ZNF761: variants seen among roughly 807,000 people sequenced by gnomAD.
ZNF761 encodes zinc finger protein 761.
A neutral mutation model predicts 59.9 loss-of-function variants in ZNF761; 43 were observed. The ratio of observed to expected loss-of-function variants is 0.72; its 90% CI spans 0.56 to 0.92. ZNF761 has a LOEUF of 0.92. Among genes scored for constraint, ZNF761 ranks in the 40% least tolerant of loss-of-function variants. The pLI is 0.00. For missense variants in ZNF761, 850 were observed against 906.1 expected (o/e 0.94, Z 0.79); for synonymous variants, 294 against 304.8 (o/e 0.96, Z 0.37).
rs2086270796 is a variant in ZNF761, at chr19:53,456,340, T to C, written c.1833T>C (p.Cys611=). Residue 611 remains cysteine, a synonymous_variant, in exon 5 of 5, where the codon TGT becomes TGC. Coordinates refer to ENST00000684525, the MANE Select transcript of ZNF761 (RefSeq NM_001289951.2). The part of the protein sequence containing the change: ...TEENPYKCNE[C]GKTFSRTSSL... ...AGAATCCTTACAAGTGTAATGAGTG[T>C]GGCAAGACCTTCAGTCGGACGTCAT... 6.2e-7 allele frequency: 1 copy of C among 1,611,246 alleles called. No individual in the cohort carries two copies. The highest frequency in any genetic ancestry group is 8.5e-7 in the Non-Finnish European group (1 of 1,177,958).
At chr19:53,447,956 A>C (rs1213403658) in intron 3 of ZNF761, among the ~76,000 whole-genome samples, 1 of 152,176 alleles carries the variant, frequency 6.6e-6, no homozygotes, top group Non-Finnish European at 1.5e-5. Context: ...CTTGTGAAAC[A>C]GGTGTTTTCA....
rs1382441766 is a variant in ZNF761 at position 53,457,851 on chromosome 19, G to A, written c.*1103G>A. 1 of 153,508 alleles carries A rather than the reference G, an allele frequency of 6.5e-6. No individual in the cohort carries two copies. The highest frequency in any genetic ancestry group is 1.5e-5 in the Non-Finnish European group (1 of 68,416). 9.5% of individuals were successfully genotyped at this position (153,508 alleles called of 1,614,324 possible). A position where few individuals can be genotyped will look rare whatever the true frequency, so the allele number is the denominator to read the frequency against. ...TGTTTTTTGTTTCTTTAAAAAAACT[G>A]ATAGGGATTTTTATGGATATCATGT... On this transcript the variant is annotated 3_prime_UTR_variant, in exon 5 of 5. Transcript: ENST00000684525.
chr19:53,454,027 AC>A (rs768653153), intron 4 of ZNF761, among the ~76,000 whole-genome samples: 1 of 151,806 alleles, frequency 6.6e-6, no homozygotes, highest in Admixed American at 6.6e-5. Flanking sequence ...AGGCTGAAGT[AC>A]AGTGGTGAAA....
At chr19:53,446,675 G>T (rs1270857262) in intron 2 of ZNF761, among the ~76,000 whole-genome samples, 1 of 150,524 alleles carries the variant, frequency 6.6e-6, no homozygotes, top group African/African-American at 2.4e-5. Flanking sequence ...GCCTGGCTCA[G>T]TTTTTTTATT....
rs2708743 is a variant in ZNF761 at position 53,454,872 on chromosome 19, T to G, written c.365T>G (p.Ile122Ser). 0.69 allele frequency: 1,106,493 copies of G among 1,613,926 alleles called. 380,967 individuals carry two copies. Among genetic ancestry groups the G allele is most frequent in the Admixed American group, 0.78 (46,903 of 59,998 alleles). ...ACAAAAATCAAAAAGTTGACAGGTA[T>G]TACAGAACGATATGATCAAAGTCAT... The part of the protein sequence containing the change: ...PMTKIKKLTG[I>S]TERYDQSHAR... Residue 122 changes from isoleucine (I) to serine (S), a missense_variant, in exon 5 of 5, where the codon ATT (isoleucine) becomes AGT (serine). By Grantham distance (142) the Ile-to-Ser change is moderately radical. Transcript: ENST00000684525.
intron 4 of ZNF761, among the ~76,000 whole-genome samples, chr19:53,450,687 C>A (rs923434171): frequency 2.6e-5 from 4 of 152,086 alleles, no homozygotes; most frequent in Non-Finnish European, 1.5e-5. Flanking sequence ...TCACCGCAGC[C>A]AGCTCCGCCT....
intron 3 of ZNF761, among the ~76,000 whole-genome samples, chr19:53,449,240 A>G (rs751338446): frequency 2.0e-5 from 3 of 152,056 alleles, no homozygotes; most frequent in Non-Finnish European, 2.9e-5. Context: ...TAAGGCAGGA[A>G]AATCGCTTGA....
At chr19:53,450,739 G>C (rs2086214629) in intron 4 of ZNF761, among the ~76,000 whole-genome samples, 1 of 152,128 alleles carries the variant, frequency 6.6e-6, no homozygotes, top group East Asian at 1.9e-4. Context: ...GCTCACGCCT[G>C]TAATCCCAGC....
intron 1 of ZNF761, chr19:53,442,435 T>C (rs2086110678): frequency 3.5e-6 from 3 of 848,184 alleles, no homozygotes; most frequent in Non-Finnish European, 6.0e-6. Flanking sequence ...ATGAAGATTC[T>C]TACTGATAAT....
intron 1 of ZNF761, among the ~76,000 whole-genome samples, chr19:53,432,328 C>T (rs1299982886): frequency 6.6e-6 from 1 of 152,202 alleles, no homozygotes; most frequent in Non-Finnish European, 1.5e-5. Flanking sequence ...AAGTCCTCAC[C>T]TGAGAGGTGG....
At position 53,456,672 on chromosome 19, in the gene ZNF761, A is replaced by T. The variant is rs1480867352; in HGVS notation, c.2165A>T (p.Glu722Val). The T allele has an allele frequency of 6.2e-6, 10 of 1,613,818 alleles. No homozygotes were observed. Among genetic ancestry groups the T allele is most frequent in the Non-Finnish European group, 8.5e-6 (10 of 1,179,936 alleles). ...HTGEKPYKCN[E>V]CGKTFSQKSN... ...GGAGAGAAACCTTACAAGTGTAATG[A>T]GTGTGGCAAGACCTTTAGTCAGAAG... is the stretch of plus-strand genomic sequence containing the variant. The change falls in exon 5 of 5, where the codon GAG becomes GTG. Residue 722 changes from glutamate (E) to valine (V), a missense_variant. By Grantham distance (121) the Glu-to-Val change is moderately radical. Coordinates refer to ENST00000684525, the MANE Select transcript of ZNF761 (RefSeq NM_001289951.2).
chr19:53,437,527 G>C (rs1050698027), intron 1 of ZNF761, among the ~76,000 whole-genome samples: 9 of 152,058 alleles, frequency 5.9e-5, no homozygotes, highest in Non-Finnish European at 1.2e-4. Context: ...AACTTGGGTC[G>C]TCTTGGAGAG....
rs35551715 is a variant in ZNF761 at position 53,448,775 on chromosome 19, ATT to A, written c.16-719_16-718del. On this transcript the variant is annotated intron_variant, in intron 3 of 4. Coordinates refer to ENST00000684525, the MANE Select transcript of ZNF761 (RefSeq NM_001289951.2). ...AGGTGCCTGCCACCATGGCTAGCTAATTTTTTTTTTTTTTTTTTTGAGATATA... is the reference window on the plus strand; with the variant it reads ...AGGTGCCTGCCACCATGGCTAGCTAATTTTTTTTTTTTTTTTTGAGATATA... Among the ~76,000 whole-genome samples the A allele has an allele frequency of 3.0e-3, 379 of 125,062 alleles. 1 individual carries two copies. The highest frequency in any genetic ancestry group is 4.1e-3 in the Middle Eastern group (1 of 244). The allele number at this position is 125,062 out of a possible 152,430, so 82.0% of individuals were successfully genotyped here. A position where few individuals can be genotyped will look rare whatever the true frequency, so the allele number is the denominator to read the frequency against.
intron 4 of ZNF761, among the ~76,000 whole-genome samples, chr19:53,454,051 G>T (rs1406617324): frequency 2.0e-5 from 3 of 151,590 alleles, no homozygotes; most frequent in African/African-American, 7.3e-5. Flanking sequence ...TTGGCTCACT[G>T]CAACCTCTGC....
intron 3 of ZNF761, among the ~76,000 whole-genome samples, chr19:53,448,735 A>G (rs2086186934): frequency 6.6e-6 from 1 of 151,360 alleles, no homozygotes; most frequent in Non-Finnish European, 1.5e-5. Flanking sequence ...CAGGCTCCCA[A>G]GTAGCTGGAA....
intron 1 of ZNF761, chr19:53,441,979 G>T: frequency 1.5e-6 from 2 of 1,369,780 alleles, no homozygotes; most frequent in South Asian, 1.2e-5. Context: ...AGGGAAAAAG[G>T]TGGGCCTGGG....
At position 53,455,839 on chromosome 19, in the gene ZNF761, A is replaced by G. The variant is rs774885361; in HGVS notation, c.1332A>G (p.Gly444=). Residue 444 remains glycine (G), a synonymous_variant, in exon 5 of 5, where the codon GGA becomes GGG. Transcript: ENST00000684525. ...ATGCTTACAAGTGTAATGAGTGTGGAAAGACCTTTAGCCGGACATCATCCC... is the reference window on the plus strand; with the variant it reads ...ATGCTTACAAGTGTAATGAGTGTGGGAAGACCTTTAGCCGGACATCATCCC... ...EDNAYKCNEC[G]KTFSRTSSLT... The G allele has an allele frequency of 6.2e-7, 1 of 1,612,350 alleles. No homozygotes were observed. The highest frequency in any genetic ancestry group is 8.5e-7 in the Non-Finnish European group (1 of 1,179,482).
At chr19:53,452,740 A>G (rs1422786387) in intron 4 of ZNF761, among the ~76,000 whole-genome samples, 3 of 152,232 alleles carry the variant, frequency 2.0e-5, no homozygotes, top group African/African-American at 7.2e-5. Flanking sequence ...TGGTGGAAAC[A>G]GGAACAGGCA....
At chr19:53,433,466 C>CTTCTTGTAACTGTTCTCTAAGT (rs58311670) in intron 1 of ZNF761, among the ~76,000 whole-genome samples, 1 of 29,918 alleles carries the variant, frequency 3.3e-5, no homozygotes, top group African/African-American at 3.7e-4. Context: ...TTCGCCAAGT[C>CTTCTTGTAACTGTTCTCTAAGT]GAGCTTGCTA....
Sources: allele counts gnomAD v4.1 joint callset (sites outside exome capture counted in the v4.1 genomes callset), GRCh38; gene constraint gnomAD v4.1.1; transcripts MANE v1.5; gene names NCBI Gene and HGNC (gene_info 2026-07-23, HGNC 2026-07-21).